The following ALOX5AP variants were observed in gnomAD, a reference collection of about 807,000 sequenced individuals.
ALOX5AP encodes the protein arachidonate 5-lipoxygenase activating protein.
In ALOX5AP, 9 loss-of-function variants were observed where a neutral mutation model predicts 18.5. The ratio of observed to expected loss-of-function variants is 0.49; its 90% CI spans 0.29 to 0.85. The LOEUF (loss-of-function observed/expected upper bound fraction) is 0.85, where lower values mean the gene tolerates loss of function less well. Among genes scored for constraint, ALOX5AP ranks in the 40% least tolerant of loss-of-function variants. The pLI, the probability that ALOX5AP is intolerant of heterozygous loss-of-function variation, is 0.08. For synonymous variants in ALOX5AP, 81 were observed against 78.6 expected (o/e 1.03, Z -0.16); for missense variants, 172 against 202.5 (o/e 0.85, Z 0.91).
chr13:30,750,075 G>T (rs1022561728), intron 2 of ALOX5AP, among the ~76,000 whole-genome samples: 2 of 152,136 alleles, frequency 1.3e-5, no homozygotes, highest in African/African-American at 4.8e-5. Flanking sequence ...AGATTTCTGG[G>T]CCCCAACACA....
At chr13:30,715,780 GTT>G (rs1566077017) in intron 1 of ALOX5AP, among the ~76,000 whole-genome samples, 2 of 150,188 alleles carry the variant, frequency 1.3e-5, no homozygotes, top group Admixed American at 1.3e-4. Context: ...TGGGCTTCTG[GTT>G]TTTTTTCTTT....
intron 1 of ALOX5AP, among the ~76,000 whole-genome samples, chr13:30,716,188 T>A (rs1486819034): frequency 6.6e-6 from 1 of 152,216 alleles, no homozygotes; most frequent in Non-Finnish European, 1.5e-5. Context: ...TATTGTTAGC[T>A]TGCATTTTTC....
chr13:30,746,112 C>T (rs4147062), intron 2 of ALOX5AP, among the ~76,000 whole-genome samples: 75,599 of 152,114 alleles, frequency 0.5, 19,180 homozygotes, highest in East Asian at 0.62. Flanking sequence ...GACCTGGGCT[C>T]GCTAGTTGCC....
At chr13:30,747,798 C>A (rs1295110740) in intron 2 of ALOX5AP, among the ~76,000 whole-genome samples, 1 of 152,164 alleles carries the variant, frequency 6.6e-6, no homozygotes, top group African/African-American at 2.4e-5. Context: ...ACTACAGACA[C>A]CCCTACCGCC....
upstream of ALOX5AP, among the ~76,000 whole-genome samples, chr13:30,732,785 G>A (rs564574733): frequency 4.6e-5 from 7 of 152,092 alleles, no homozygotes; most frequent in Non-Finnish European, 8.8e-5. Context: ...GAGAGAGAGC[G>A]AGAGGAGAGA....
At chr13:30,736,619 AT>A (rs1208180162) in intron 1 of ALOX5AP, among the ~76,000 whole-genome samples, 2 of 152,130 alleles carry the variant, frequency 1.3e-5, no homozygotes, top group Non-Finnish European at 2.9e-5. Flanking sequence ...GGGATATTCT[AT>A]TTTCCCCCAT....
Position 30,764,039 on chromosome 13 carries a change from G to C in ALOX5AP, c.419G>C (p.Gly140Ala). Reference protein sequence around the residue: ...IFNYYLIFFFGSDFENYIKTI... With the variant: ...IFNYYLIFFFASDFENYIKTI... Reference sequence around the variant, plus strand: ...AACTATTACCTCATCTTCTTTTTCGGAAGTGACTTTGAAAACTACATAAAG... The same window carrying C: ...AACTATTACCTCATCTTCTTTTTCGCAAGTGACTTTGAAAACTACATAAAG... The change falls in exon 5 of 5, where the codon GGA becomes GCA. Residue 140 changes from glycine to alanine, a missense_variant. Coordinates refer to ENST00000380490, the MANE Select transcript of ALOX5AP (RefSeq NM_001629.4). 6.2e-7 allele frequency: 1 copy of C among 1,613,992 alleles called. No individual in the cohort carries two copies. Among genetic ancestry groups the C allele is most frequent in the African/African-American group, 1.3e-5 (1 of 74,984 alleles).
intron 1 of ALOX5AP, among the ~76,000 whole-genome samples, chr13:30,721,268 G>A (rs1199464502): frequency 2.0e-5 from 3 of 152,166 alleles, no homozygotes; most frequent in Admixed American, 6.5e-5. Flanking sequence ...TGGGGGCTAT[G>A]GTGCTTATCA....
intron 4 of ALOX5AP, among the ~76,000 whole-genome samples, chr13:30,758,143 T>C (rs922932662): frequency 6.6e-6 from 1 of 152,172 alleles, no homozygotes; most frequent in Non-Finnish European, 1.5e-5. Flanking sequence ...GTAGAAGTAA[T>C]AGATACTAGA....
intron 2 of ALOX5AP, among the ~76,000 whole-genome samples, chr13:30,750,146 G>A (rs17216424): frequency 0.065 from 9,843 of 152,154 alleles, 450 homozygotes; most frequent in Non-Finnish European, 0.1. Context: ...ACATGTTCTC[G>A]ATGCTGCTGC....
chr13:30,723,413 T>C (rs1951609977), intron 1 of ALOX5AP, among the ~76,000 whole-genome samples: 1 of 152,232 alleles, frequency 6.6e-6, no homozygotes, highest in Non-Finnish European at 1.5e-5. Flanking sequence ...CTGGTCACCT[T>C]ACCTTAGAGT....
Position 30,764,274 on chromosome 13 carries a change from A to T in ALOX5AP, c.*168A>T, listed in dbSNP as rs1009802312. ...GCTTTTCCGGGAACAAAATGATGTC[A>T]TGTCAGCTCCGCCCCTTGAACATGA... On this transcript the variant is annotated 3_prime_UTR_variant, in exon 5 of 5. Transcript: ENST00000380490. 4 of 700,306 alleles carry T rather than the reference A, an allele frequency of 5.7e-6. No homozygotes were observed. The highest frequency in any genetic ancestry group is 9.0e-6 in the Non-Finnish European group (4 of 445,936). 43.4% of individuals were successfully genotyped at this position (700,306 alleles called of 1,614,324 possible).
At chr13:30,718,422 C>T (rs1593424758) in intron 1 of ALOX5AP, among the ~76,000 whole-genome samples, 2 of 141,760 alleles carry the variant, frequency 1.4e-5, no homozygotes, top group East Asian at 4.1e-4. Context: ...TCTATAATAA[C>T]TCCACAACTA....
At chr13:30,749,764 G>A (rs1382696992) in intron 2 of ALOX5AP, among the ~76,000 whole-genome samples, 4 of 152,180 alleles carry the variant, frequency 2.6e-5, no homozygotes, top group Non-Finnish European at 5.9e-5. Flanking sequence ...GGATTCCAGG[G>A]TAGGTTTCTC....
intron 1 of ALOX5AP, among the ~76,000 whole-genome samples, chr13:30,729,944 T>A (rs1015161265): frequency 6.6e-6 from 1 of 152,260 alleles, no homozygotes; most frequent in Non-Finnish European, 1.5e-5. Flanking sequence ...TTGCTTCATT[T>A]ACGTACAAAT....
At chr13:30,716,280 G>T (rs144320817) in intron 1 of ALOX5AP, among the ~76,000 whole-genome samples, 5 of 152,164 alleles carry the variant, frequency 3.3e-5, no homozygotes, top group African/African-American at 1.2e-4. Flanking sequence ...AAGGGACACC[G>T]GCCTCATACC....
chr13:30,749,151 A>G (rs1951832286), intron 2 of ALOX5AP, among the ~76,000 whole-genome samples: 1 of 152,218 alleles, frequency 6.6e-6, no homozygotes, highest in Admixed American at 6.5e-5. Context: ...ACCATGTTTT[A>G]TTAGGAACGA....
intron 1 of ALOX5AP, among the ~76,000 whole-genome samples, chr13:30,738,808 G>T (rs879302958): frequency 1.3e-5 from 2 of 152,102 alleles, no homozygotes; most frequent in African/African-American, 2.4e-5. Flanking sequence ...CATTAGCAGC[G>T]GCCTCTTTCC....
intron 3 of ALOX5AP, 60 bp from the exon 4 acceptor site, chr13:30,755,884 G>A: frequency 6.5e-7 from 1 of 1,530,896 alleles, no homozygotes; most frequent in African/African-American, 1.4e-5. Flanking sequence ...GCCTAATTGG[G>A]CTAACAGCAT....
Sources: allele counts gnomAD v4.1 joint callset (sites outside exome capture counted in the v4.1 genomes callset), GRCh38; gene constraint gnomAD v4.1.1; transcripts MANE v1.5; gene names NCBI Gene and HGNC (gene_info 2026-07-23, HGNC 2026-07-21).